The following TBC1D25 variants were observed in gnomAD, a reference collection of about 807,000 sequenced individuals.
TBC1D25 encodes the protein 5SN3 snoRNA.
TBC1D25 carries 13 observed loss-of-function variants against 38.8 expected under a neutral mutation model. That is an observed-to-expected ratio of 0.34 (90% confidence interval 0.22 to 0.53). The LOEUF is 0.53. Ranked by LOEUF, TBC1D25 falls within the 20% of genes least tolerant of loss-of-function variation. The pLI is 0.94. For synonymous variants in TBC1D25, 225 were observed against 255.6 expected (o/e 0.88, Z 1.14); for missense variants, 372 against 600.0 (o/e 0.62, Z 3.97).
chrX:48,554,035 G>T (rs2061956914), intron 3 of TBC1D25, among the ~76,000 whole-genome samples: 1 of 108,001 alleles, frequency 9.3e-6, no homozygotes, highest in South Asian at 4.1e-4. Flanking sequence ...ACAAAAATTT[G>T]CCAGGTGTTG....
Position 48,560,394 on chromosome X carries a change from G to A in TBC1D25, c.1486G>A (p.Gly496Ser), listed in dbSNP as rs1556985863. ...DHLATASQGPGGGGRLLRQAS... is the reference protein window; with the variant it reads ...DHLATASQGPSGGGRLLRQAS... ...CCTGGCCACAGCCAGTCAGGGGCCT[G>A]GTGGTGGGGGGCGTCTCCTGAGACA... Residue 496 changes from glycine (G) to serine (S), a missense_variant, in exon 6 of 6, where the codon GGT becomes AGT. Physicochemically the swap from Gly to Ser is moderately conservative, Grantham distance 56. Coordinates refer to ENST00000376771, the MANE Select transcript of TBC1D25 (RefSeq NM_002536.4). 2.5e-6 allele frequency: 3 copies of A among 1,211,585 alleles called. No homozygotes were observed. The highest frequency in any genetic ancestry group is 2.2e-6 in the Non-Finnish European group (2 of 895,435).
At chrX:48,542,191 G>A (rs188400649) in intron 2 of TBC1D25, among the ~76,000 whole-genome samples, 2,639 of 86,398 alleles carry the variant, frequency 0.031, 131 homozygotes, top group African/African-American at 0.11. Flanking sequence ...TTTTTGAGAC[G>A]GAGTTTTGCT....
In TBC1D25 at chrX:48,560,018, C is replaced by T. The variant is rs1400739855; in HGVS notation, c.1110C>T (p.Gly370=). ...TGGCCGCCAACTTCCACCCTGACGG[C>T]CGCGCCATGGCCACCAAGTTTGCAC... ...KRLAANFHPD[G]RAMATKFAHL... Residue 370 remains glycine, a synonymous_variant, in exon 6 of 6, where the codon GGC becomes GGT. Transcript: ENST00000376771. 1 of 1,208,977 alleles carries T rather than the reference C, an allele frequency of 8.3e-7. No individual in the cohort carries two copies. Among genetic ancestry groups the T allele is most frequent in the Non-Finnish European group, 1.1e-6 (1 of 894,628 alleles).
At chrX:48,551,869 C>T (rs782327728) in intron 3 of TBC1D25, among the ~76,000 whole-genome samples, 12 of 110,673 alleles carry the variant, frequency 1.1e-4, no homozygotes, top group Non-Finnish European at 1.5e-4. Context: ...ATCCGCCCAC[C>T]TCAGCCTCCC....
At chrX:48,551,923 G>C (rs2061937227) in intron 3 of TBC1D25, among the ~76,000 whole-genome samples, 1 of 111,126 alleles carries the variant, frequency 9.0e-6, no homozygotes. Context: ...CCTGGCCTCT[G>C]CCTGTTTTAT....
chrX:48,539,789 G>A lies in TBC1D25; in HGVS notation c.-9G>A, dbSNP rs1556979725. The A allele has an allele frequency of 3.1e-6, 3 of 961,507 alleles. No homozygotes were observed. Among genetic ancestry groups the A allele is most frequent in the Non-Finnish European group, 3.9e-6 (3 of 766,564 alleles). The allele number at this position is 961,507 out of a possible 1,213,427, so 79.2% of individuals were successfully genotyped here. On this transcript the variant is annotated 5_prime_UTR_variant, in exon 1 of 6. Transcript: ENST00000376771. ...GGTCAGCCGTCACCCTGAGACGGGCGGCGGCGGGATGGCAACAGCCTCCGG... is the reference window on the plus strand; with the variant it reads ...GGTCAGCCGTCACCCTGAGACGGGCAGCGGCGGGATGGCAACAGCCTCCGG...
chrX:48,557,040 A>G (rs182921678), intron 3 of TBC1D25, among the ~76,000 whole-genome samples: 19 of 103,960 alleles, frequency 1.8e-4, no homozygotes, highest in Non-Finnish European at 3.8e-4. Flanking sequence ...ACCATAGGCA[A>G]TATAGTAAGA....
In TBC1D25 at chrX:48,560,293, G is replaced by A. The variant is rs999543096; in HGVS notation, c.1385G>A (p.Gly462Glu). Residue 462 changes from glycine (G) to glutamate (E), a missense_variant, in exon 6 of 6, where the codon GGG (glycine) becomes GAG (glutamate). Coordinates refer to ENST00000376771, the MANE Select transcript of TBC1D25 (RefSeq NM_002536.4). ...VADAGFGGHRGWPVRQRHMLR... is the reference protein window; with the variant it reads ...VADAGFGGHREWPVRQRHMLR... ...GACGCTGGTTTTGGTGGCCACAGGG[G>A]GTGGCCCGTGCGACAGAGGCACATG... is the stretch of plus-strand genomic sequence containing the variant. 1.7e-6 allele frequency: 2 copies of A among 1,209,283 alleles called. No homozygotes were observed. The highest frequency in any genetic ancestry group is 3.5e-5 in the African/African-American group (2 of 57,123).
rs1296400606 is a variant in TBC1D25 at position 48,560,514 on chromosome X, T to A, written c.1606T>A (p.Ser536Thr). Residue 536 changes from serine (S) to threonine (T), a missense_variant, in exon 6 of 6, where the codon TCC becomes ACC. By Grantham distance (58) the Ser-to-Thr change is moderately conservative. Around this residue, in one of 2 missense-constraint regions of TBC1D25, gnomAD observed 312 missense variants for 549.3 expected, o/e 0.57. Coordinates refer to ENST00000376771, the MANE Select transcript of TBC1D25 (RefSeq NM_002536.4). ...QLPHPAALIS[S>T]KSLSEPLLNS... Reference sequence around the variant, plus strand: ...GCCCCACCCAGCTGCCCTTATCAGCTCCAAGTCCCTCTCTGAGCCTTTATT... The same window carrying A: ...GCCCCACCCAGCTGCCCTTATCAGCACCAAGTCCCTCTCTGAGCCTTTATT... 1 of 1,208,653 alleles carries A rather than the reference T, an allele frequency of 8.3e-7. No individual in the cohort carries two copies. Among genetic ancestry groups the A allele is most frequent in the Non-Finnish European group, 1.1e-6 (1 of 894,522 alleles).
rs1171234293 is a variant in TBC1D25, at chrX:48,562,187, C to T, written c.*1212C>T. The T allele has an allele frequency of 9.0e-6, 1 of 111,713 alleles. No homozygotes were observed. The highest frequency in any genetic ancestry group is 2.8e-4 in the East Asian group (1 of 3,549). The allele number at this position is 111,713 out of a possible 1,213,427, so 9.2% of individuals were successfully genotyped here. A position where few individuals can be genotyped will look rare whatever the true frequency, so the allele number is the denominator to read the frequency against. On this transcript the variant is annotated 3_prime_UTR_variant, in exon 6 of 6. Transcript: ENST00000376771. The stretch of plus-strand genomic sequence containing the variant: ...CAAGTACTAACCAGGCTTGACCCTG[C>T]TTAGCTTCAGAGGTCAGACAAGATC...
At chrX:48,547,804 G>A (rs1385512437) in intron 3 of TBC1D25, among the ~76,000 whole-genome samples, 3 of 109,892 alleles carry the variant, frequency 2.7e-5, no homozygotes, top group Non-Finnish European at 1.9e-5. Context: ...CGGGCGTGGT[G>A]GTAGGCGCCT....
At position 48,560,734 on chromosome X, in the gene TBC1D25, A is replaced by G; in HGVS notation, c.1826A>G (p.Gln609Arg). The change falls in exon 6 of 6, where the codon CAG (glutamine) becomes CGG (arginine). Residue 609 changes from glutamine (Q) to arginine (R), a missense_variant. Physicochemically the swap from Gln to Arg is conservative, Grantham distance 43. Transcript: ENST00000376771. ...CCACCAATGGGCCTGCCCCCACCCC[A>G]GGAGTTTGGCCGGGGGAACCCATTC... ...PVPPMGLPPP[Q>R]EFGRGNPFML... 1 of 1,211,341 alleles carries G rather than the reference A, an allele frequency of 8.3e-7. No individual in the cohort carries two copies. The highest frequency in any genetic ancestry group is 3.0e-5 in the East Asian group (1 of 33,829).
chrX:48,559,208 G>A lies in TBC1D25; in HGVS notation c.567G>A (p.Gly189=). The change falls in exon 5 of 6, where the codon GGG becomes GGA. Residue 189 remains glycine, a synonymous_variant. Coordinates refer to ENST00000376771, the MANE Select transcript of TBC1D25 (RefSeq NM_002536.4). ...KVQQVLSWSY[G]EDVKPFKPPL... ...AACAAGTGCTGAGCTGGTCGTATGG[G>A]GAAGATGTCAAGCCCTTCAAGCCAC... The A allele has an allele frequency of 8.3e-7, 1 of 1,211,456 alleles. No homozygotes were observed. The highest frequency in any genetic ancestry group is 1.1e-6 in the Non-Finnish European group (1 of 895,438).
rs1467176559 is a variant in TBC1D25 at position 48,562,213 on chromosome X, T to A, written c.*1238T>A. 2 of 111,598 alleles carry A rather than the reference T, an allele frequency of 1.8e-5. No individual in the cohort carries two copies. The highest frequency in any genetic ancestry group is 3.8e-5 in the Non-Finnish European group (2 of 53,131). 9.2% of individuals were successfully genotyped at this position (111,598 alleles called of 1,213,427 possible). ...TTAGCTTCAGAGGTCAGACAAGATCTGGCATGTTCAGGATGGTATGGCTGT... is the reference window on the plus strand; with the variant it reads ...TTAGCTTCAGAGGTCAGACAAGATCAGGCATGTTCAGGATGGTATGGCTGT... On this transcript the variant is annotated 3_prime_UTR_variant, in exon 6 of 6. Coordinates refer to ENST00000376771, the MANE Select transcript of TBC1D25 (RefSeq NM_002536.4).
Position 48,559,307 on chromosome X carries a change from G to A in TBC1D25, c.666G>A (p.Leu222=). Residue 222 remains leucine, a synonymous_variant, in exon 5 of 6, where the codon CTG becomes CTA. Transcript: ENST00000376771. ...TCTCCCGACCCGAGGAGTTGCGCCT[G>A]CGGATCTATCATGGCGGTGTGGAGC... ...GQLSRPEELR[L]RIYHGGVEPS... 1 of 1,211,010 alleles carries A rather than the reference G, an allele frequency of 8.3e-7. No individual in the cohort carries two copies. The highest frequency in any genetic ancestry group is 1.1e-6 in the Non-Finnish European group (1 of 895,165).
At position 48,559,742 on chromosome X, in the gene TBC1D25, T is replaced by G. The variant is rs782179534; in HGVS notation, c.834T>G (p.Pro278=). ...LKSEWAQRAN[P]EDLEFIRSTV... is the part of the protein sequence containing the mutation. Reference sequence around the variant, plus strand: ...GCGAGTGGGCCCAGCGAGCGAACCCTGAGGACCTGGAATTCATCCGCAGCA... The same window carrying G: ...GCGAGTGGGCCCAGCGAGCGAACCCGGAGGACCTGGAATTCATCCGCAGCA... Residue 278 remains proline (P), a synonymous_variant, in exon 6 of 6, where the codon CCT becomes CCG. Transcript: ENST00000376771. 2.5e-6 allele frequency: 3 copies of G among 1,212,001 alleles called. No individual in the cohort carries two copies. In the Admixed American group the frequency reaches 6.5e-5, roughly 26 times the overall value.
At position 48,558,967 on chromosome X, in the gene TBC1D25, G is replaced by A. The variant is rs1173787320; in HGVS notation, c.459G>A (p.Glu153=). 5.0e-6 allele frequency: 6 copies of A among 1,209,859 alleles called. No homozygotes were observed. Among genetic ancestry groups the A allele is most frequent in the Non-Finnish European group, 4.5e-6 (4 of 895,224 alleles). The change falls in exon 4 of 6, where the codon GAG becomes GAA. Residue 153 remains glutamate, a synonymous_variant. Transcript: ENST00000376771. ...DVIGSDVLLA[E]KRSSLTTAAL... is the part of the protein sequence containing the mutation. ...TTGGCTCCGACGTGTTGCTGGCTGA[G>A]AAACGGTCATCACTGACGACTGCCG...
Sources: gnomAD v4.1 joint callset for allele counts (sites outside exome capture counted in the v4.1 genomes callset) on GRCh38, gnomAD v4.1.1 for gene constraint, gnomAD v4.1.1 regional missense constraint, MANE v1.5 for transcripts, NCBI Gene and HGNC (gene_info 2026-07-23, HGNC 2026-07-21) for gene names.